IPO7: variants seen among roughly 807,000 people sequenced by gnomAD.
IPO7 encodes the protein importin-7.
A neutral mutation model predicts 136.4 loss-of-function variants in IPO7; 13 were observed. The ratio of observed to expected loss-of-function variants is 0.10; its 90% CI spans 0.06 to 0.15. The LOEUF is 0.15. Ranked by LOEUF, IPO7 falls within the 10% of genes least tolerant of loss-of-function variation. IPO7 has a pLI of 1.00. For synonymous variants in IPO7, 403 were observed against 404.4 expected, an observed-to-expected ratio of 1.00 and a Z score of 0.04; for missense variants, 857 against 1,240.6, an observed-to-expected ratio of 0.69 and a Z score of 4.65.
chr11:9,424,004 G>T, intron 10 of IPO7, 128 bp downstream of exon 10: 2 of 537,648 alleles, frequency 3.7e-6, no homozygotes, highest in East Asian at 3.1e-5. Context: ...CCCTTGTGTA[G>T]TCCTTTTTGG....
intron 16 of IPO7, among the ~76,000 whole-genome samples, chr11:9,432,711 G>A (rs1443743713): frequency 6.6e-6 from 1 of 152,084 alleles, no homozygotes; most frequent in Non-Finnish European, 1.5e-5. Flanking sequence ...CATTCTTATG[G>A]CCCTCAGGGA....
At chr11:9,420,313 A>G (rs1855109086) in intron 6 of IPO7, 98 bp from the exon 7 acceptor site, 6 of 742,942 alleles carry the variant, frequency 8.1e-6, no homozygotes, top group Non-Finnish European at 1.1e-5. Context: ...AAAGGCCAGC[A>G]TTAGTGAAGC....
chr11:9,427,417 C>T (rs1204688761), intron 12 of IPO7, among the ~76,000 whole-genome samples: 1 of 151,958 alleles, frequency 6.6e-6, no homozygotes, highest in Admixed American at 6.6e-5. Context: ...CCTGCCACCA[C>T]ACCAGCTAAT....
chr11:9,388,524 G>C (rs759150818), intron 1 of IPO7, among the ~76,000 whole-genome samples: 5 of 152,058 alleles, frequency 3.3e-5, no homozygotes, highest in Non-Finnish European at 7.4e-5. Flanking sequence ...CATCACCCAG[G>C]CTGGAGTGCA....
At chr11:9,395,032 A>G (rs894813076) in intron 1 of IPO7, among the ~76,000 whole-genome samples, 5 of 152,128 alleles carry the variant, frequency 3.3e-5, no homozygotes, top group Admixed American at 1.3e-4. Flanking sequence ...GAGCTTGAGA[A>G]GGGGACTACT....
rs548793329 is a variant in IPO7, at chr11:9,447,186, A to G, written c.*1992A>G. ...ACTGCTTTTTGAATTCATAATTCTA[A>G]TTTTCACATTATTGTTAATGGAAAA... On this transcript the variant is annotated 3_prime_UTR_variant, in exon 25 of 25. Transcript: ENST00000379719. 2 of 152,106 alleles carry G rather than the reference A, an allele frequency of 1.3e-5. No homozygotes were observed. Among genetic ancestry groups the G allele is most frequent in the South Asian group, 4.1e-4 (2 of 4,830 alleles). The allele number at this position is 152,106 out of a possible 1,614,324, so 9.4% of individuals were successfully genotyped here.
At chr11:9,421,939 G>A (rs756125337) in intron 8 of IPO7, among the ~76,000 whole-genome samples, 4 of 150,638 alleles carry the variant, frequency 2.7e-5, no homozygotes, top group African/African-American at 7.3e-5. Flanking sequence ...GCAAGACTCC[G>A]TCTCAAAAAA....
intron 1 of IPO7, among the ~76,000 whole-genome samples, chr11:9,402,399 C>CAAAAAA (rs71062846): frequency 6.7e-4 from 30 of 44,896 alleles, no homozygotes; most frequent in African/African-American, 3.0e-3. Context: ...GACTGTGTCT[C>CAAAAAA]AAAAAAAAAA....
At chr11:9,429,631 GT>G in intron 14 of IPO7, 42 bp from the exon 15 acceptor site, 1 of 1,529,342 alleles carries the variant, frequency 6.5e-7, no homozygotes, top group Non-Finnish European at 8.9e-7. Context: ...GTTTTAAGAA[GT>G]TTTAGGGGTT....
In IPO7 at chr11:9,433,701, G is replaced by A. The variant is rs552597105; in HGVS notation, c.1949-20G>A. On this transcript the variant is annotated intron_variant, in intron 17 of 24. Transcript: ENST00000379719. ...TCACATGAGCAAGCATTTTCCTAAT[G>A]ACTTAGTATTCTCTTTTAGAATTCT... The A allele has an allele frequency of 3.2e-5, 52 of 1,613,010 alleles. No homozygotes were observed. In the South Asian group the frequency reaches 5.6e-4, roughly 17 times the overall value.
At chr11:9,393,402 G>T (rs73404388) in intron 1 of IPO7, among the ~76,000 whole-genome samples, 1 of 152,048 alleles carries the variant, frequency 6.6e-6, no homozygotes, top group South Asian at 2.1e-4. Flanking sequence ...TTTTTCTTGA[G>T]ACGGAGTCTC....
chr11:9,434,612 T>TA (rs1855344840), intron 18 of IPO7, among the ~76,000 whole-genome samples: 1 of 152,146 alleles, frequency 6.6e-6, no homozygotes, highest in African/African-American at 2.4e-5. Context: ...CCTGGGCTAT[T>TA]AGACCCTGTC....
At chr11:9,412,333 ATTC>A (rs772175351) in intron 4 of IPO7, among the ~76,000 whole-genome samples, 7 of 152,312 alleles carry the variant, frequency 4.6e-5, no homozygotes, top group Non-Finnish European at 1.0e-4. Context: ...CAGATACTCA[ATTC>A]TTTATATTTT....
At chr11:9,429,866 C>G in intron 15 of IPO7, 32 bp downstream of exon 15, 2 of 1,507,498 alleles carry the variant, frequency 1.3e-6, no homozygotes, top group Non-Finnish European at 1.8e-6. Context: ...TATTTGCAAG[C>G]ATTTTAATGT....
chr11:9,436,807 G>A (rs1187932038), intron 20 of IPO7, among the ~76,000 whole-genome samples: 1 of 124,434 alleles, frequency 8.0e-6, no homozygotes, highest in African/African-American at 3.1e-5. Flanking sequence ...CAAGTAGCTG[G>A]GATTACAGGT....
At chr11:9,429,372 G>T (rs1855260688) in intron 14 of IPO7, among the ~76,000 whole-genome samples, 176 bp downstream of exon 14, 1 of 151,888 alleles carries the variant, frequency 6.6e-6, no homozygotes, top group Non-Finnish European at 1.5e-5. Context: ...TGGACATAGT[G>T]GCATGTACCT....
intron 3 of IPO7, among the ~76,000 whole-genome samples, chr11:9,409,557 T>C (rs1023302927): frequency 6.6e-6 from 1 of 152,128 alleles, no homozygotes; most frequent in Admixed American, 6.5e-5. Flanking sequence ...TTTTTGTGTT[T>C]TTAGTAGAGA....
intron 4 of IPO7, among the ~76,000 whole-genome samples, chr11:9,412,014 G>A (rs1020968181): frequency 4.6e-5 from 7 of 152,304 alleles, no homozygotes; most frequent in South Asian, 2.1e-4. Flanking sequence ...GGAATTTTGT[G>A]TATAATTGTA....
chr11:9,416,060 T>C (rs1288217651), intron 5 of IPO7, among the ~76,000 whole-genome samples: 1 of 152,116 alleles, frequency 6.6e-6, no homozygotes, highest in African/African-American at 2.4e-5. Context: ...GCACAGTGGC[T>C]CGCACCTGTA....
Sources: gnomAD v4.1 joint callset for allele counts (sites outside exome capture counted in the v4.1 genomes callset) on GRCh38, gnomAD v4.1.1 for gene constraint, MANE v1.5 for transcripts, NCBI Gene and HGNC (gene_info 2026-07-23, HGNC 2026-07-21) for gene names.